The following CSMD1 variants were observed in gnomAD, a reference collection of about 807,000 sequenced individuals.
CSMD1 encodes CUB and sushi domain-containing protein 1.
Under a neutral mutation model 417.5 loss-of-function variants are expected in CSMD1, and 213 were observed. The ratio of observed to expected loss-of-function variants is 0.51; its 90% CI spans 0.46 to 0.57. The LOEUF (loss-of-function observed/expected upper bound fraction) is 0.57. Among genes scored for constraint, CSMD1 ranks in the 20% least tolerant of loss-of-function variants. The pLI is 0.00. For synonymous variants in CSMD1, 2,862 were observed against 1,736.8 expected, an observed-to-expected ratio of 1.65 and a Z score of -16.11; for missense variants, 6,923 against 4,529.7, an observed-to-expected ratio of 1.53 and a Z score of -15.17.
At chr8:4,691,209 C>G (rs1269041536) in intron 1 of CSMD1, among the ~76,000 whole-genome samples, 1 of 152,138 alleles carries the variant, frequency 6.6e-6, no homozygotes, top group African/African-American at 2.4e-5. Flanking sequence ...CAGCAAACTC[C>G]TAGGGATGGG....
intron 3 of CSMD1, among the ~76,000 whole-genome samples, chr8:4,412,095 G>A (rs760674369): frequency 5.9e-5 from 9 of 151,820 alleles, no homozygotes; most frequent in Non-Finnish European, 1.2e-4. Flanking sequence ...GCAAGAGTGC[G>A]TGCGTGTGTG....
chr8:3,943,605 G>T (rs184695818), intron 5 of CSMD1, among the ~76,000 whole-genome samples: 3 of 151,930 alleles, frequency 2.0e-5, no homozygotes, highest in Admixed American at 6.6e-5. Flanking sequence ...GAAATAGCTG[G>T]TAAACCCCAT....
At position 4,051,999 on chromosome 8, in the gene CSMD1, C is replaced by T. The variant is rs143022023; in HGVS notation, c.416-19900G>A. Among the ~76,000 whole-genome samples the T allele has an allele frequency of 2.7e-4, 41 of 151,954 alleles. No homozygotes were observed. In the East Asian group the frequency reaches 6.4e-3, roughly 24 times the overall value. ...GGAGTGCAACAGTGTTATCTCGGCTCACTGCAACCTCTGTCTCCCTGTCAT... is the reference window on the plus strand; with the variant it reads ...GGAGTGCAACAGTGTTATCTCGGCTTACTGCAACCTCTGTCTCCCTGTCAT... On this transcript the variant is annotated intron_variant, in intron 3 of 69. Coordinates refer to ENST00000635120, the MANE Select transcript of CSMD1 (RefSeq NM_033225.6).
intron 9 of CSMD1, among the ~76,000 whole-genome samples, chr8:3,580,527 A>G (rs551447405): frequency 6.6e-6 from 1 of 152,224 alleles, no homozygotes; most frequent in Admixed American, 6.5e-5. Context: ...ATGTCAATAG[A>G]GTATGAGAGT....
intron 1 of CSMD1, among the ~76,000 whole-genome samples, chr8:4,707,190 G>C (rs1807998367): frequency 6.6e-6 from 1 of 152,172 alleles, no homozygotes; most frequent in Admixed American, 6.5e-5. Context: ...AATAGTTATT[G>C]CACTCTAGAC....
intron 8 of CSMD1, among the ~76,000 whole-genome samples, chr8:3,608,885 G>A (rs1381707171): frequency 1.3e-5 from 2 of 152,022 alleles, no homozygotes; most frequent in African/African-American, 2.4e-5. Flanking sequence ...AACCAAGATT[G>A]TCCTTCTGCT....
intron 5 of CSMD1, among the ~76,000 whole-genome samples, chr8:3,929,299 C>A (rs544897459): frequency 6.6e-6 from 1 of 150,456 alleles, no homozygotes; most frequent in South Asian, 2.1e-4. Flanking sequence ...AAACTCAATG[C>A]TGAAATTAAA....
Position 4,994,351 on chromosome 8 carries a change from C to T in CSMD1, c.66G>A (p.Arg22=), listed in dbSNP as rs540081965. 4 of 1,611,280 alleles carry T rather than the reference C, an allele frequency of 2.5e-6. No homozygotes were observed. The highest frequency in any genetic ancestry group is 4.5e-5 in the East Asian group (2 of 44,842). The part of the protein sequence containing the change: ...LLLGLLVLCA[R]LLTAAKGQNC... ...TCTTACCCTTCGCTGCAGTGAGGAG[C>T]CTCGCGCACAGCACCAGCAGCCCGA... Residue 22 remains arginine, a synonymous_variant, in exon 1 of 70, where the codon AGG becomes AGA. Coordinates refer to ENST00000635120, the MANE Select transcript of CSMD1 (RefSeq NM_033225.6).
intron 9 of CSMD1, among the ~76,000 whole-genome samples, chr8:3,578,432 G>A (rs1218155898): frequency 1.3e-5 from 2 of 152,174 alleles, no homozygotes; most frequent in Non-Finnish European, 2.9e-5. Context: ...AATAATGGGT[G>A]TCGAGAAAAT....
At chr8:4,439,581 C>A (rs1458967561) in intron 2 of CSMD1, among the ~76,000 whole-genome samples, 3 of 151,232 alleles carry the variant, frequency 2.0e-5, no homozygotes, top group Non-Finnish European at 2.9e-5. Flanking sequence ...ATACATATTT[C>A]TTTATTATTA....
intron 7 of CSMD1, among the ~76,000 whole-genome samples, chr8:3,667,605 G>A (rs980129863): frequency 6.6e-6 from 1 of 152,188 alleles, no homozygotes; most frequent in African/African-American, 2.4e-5. Flanking sequence ...GATTTTGTGA[G>A]TGACAGAGGA....
chr8:3,427,218 C>A (rs1021103528), intron 12 of CSMD1, among the ~76,000 whole-genome samples: 2 of 152,264 alleles, frequency 1.3e-5, no homozygotes, highest in Non-Finnish European at 2.9e-5. Context: ...ATAAGCATAA[C>A]AAGAACTGGT....
In CSMD1 at chr8:4,266,645, G is replaced by A. The variant is rs186555541; in HGVS notation, c.415+153308C>T. ...GTCCTGCAGTTGAACATTTTTATTTGTCATCTATGAACATTGATATAACTT... is the reference window on the plus strand; with the variant it reads ...GTCCTGCAGTTGAACATTTTTATTTATCATCTATGAACATTGATATAACTT... On this transcript the variant is annotated intron_variant, in intron 3 of 69. Coordinates refer to ENST00000635120, the MANE Select transcript of CSMD1 (RefSeq NM_033225.6). Among the ~76,000 whole-genome samples the A allele has an allele frequency of 5.0e-3, 521 of 104,650 alleles. 73 individuals carry two copies. Among genetic ancestry groups the A allele is most frequent in the African/African-American group, 0.013 (500 of 38,498 alleles). 68.7% of individuals were successfully genotyped at this position (104,650 alleles called of 152,430 possible). A position where few individuals can be genotyped will look rare whatever the true frequency, so the allele number is the denominator to read the frequency against.
intron 4 of CSMD1, among the ~76,000 whole-genome samples, chr8:4,012,228 T>C (rs1005670991): frequency 2.6e-5 from 4 of 152,020 alleles, no homozygotes; most frequent in African/African-American, 7.2e-5. Context: ...CACTCGTCTC[T>C]TTAGATACTA....
At chr8:3,850,841 G>C (rs1803854794) in intron 5 of CSMD1, among the ~76,000 whole-genome samples, 1 of 152,158 alleles carries the variant, frequency 6.6e-6, no homozygotes, top group Admixed American at 6.6e-5. Flanking sequence ...GATAAAAAAT[G>C]ATAGATACTC....
intron 50 of CSMD1, among the ~76,000 whole-genome samples, chr8:3,052,084 T>C (rs1432321193): frequency 6.6e-6 from 1 of 152,192 alleles, no homozygotes; most frequent in Non-Finnish European, 1.5e-5. Flanking sequence ...GGAAGATAAA[T>C]AGGAAAGATT....
chr8:4,968,041 G>A (rs1809995833), intron 1 of CSMD1, among the ~76,000 whole-genome samples: 1 of 151,946 alleles, frequency 6.6e-6, no homozygotes, highest in Non-Finnish European at 1.5e-5. Flanking sequence ...AATAAACCAA[G>A]CCAGCCAAAT....
chr8:4,319,717 G>C lies in CSMD1; in HGVS notation c.415+100236C>G, dbSNP rs375321677. 1.2e-4 allele frequency among the ~76,000 whole-genome samples: 18 copies of C among 152,210 alleles called. No individual in the cohort carries two copies. In the East Asian group the frequency reaches 2.7e-3, roughly 23 times the overall value. On this transcript the variant is annotated intron_variant, in intron 3 of 69. Coordinates refer to ENST00000635120, the MANE Select transcript of CSMD1 (RefSeq NM_033225.6). The stretch of plus-strand genomic sequence containing the variant: ...GCAGAATTTGGCAGTTCTTGGATTA[G>C]AGGAAAAAGAACTGAGACTTGCCGG...
chr8:3,818,720 C>A (rs897595961), intron 5 of CSMD1, among the ~76,000 whole-genome samples: 1 of 152,188 alleles, frequency 6.6e-6, no homozygotes, highest in Non-Finnish European at 1.5e-5. Context: ...ATGGAAAACA[C>A]AACCAGAGGA....
Sources: gnomAD v4.1 joint callset for allele counts (sites outside exome capture counted in the v4.1 genomes callset) on GRCh38, gnomAD v4.1.1 for gene constraint, MANE v1.5 for transcripts, NCBI Gene and HGNC (gene_info 2026-07-23, HGNC 2026-07-21) for gene names.